Variants in AIG1 observed in about 807,000 individuals in gnomAD.
AIG1 encodes androgen-induced gene 1 protein.
A neutral mutation model predicts 31.4 loss-of-function variants in AIG1; 23 were observed. The ratio of observed to expected loss-of-function variants is 0.73; its 90% CI spans 0.53 to 1.04. The LOEUF (loss-of-function observed/expected upper bound fraction) is 1.04. Ranked by LOEUF, AIG1 falls within the 50% of genes least tolerant of loss-of-function variation. The probability of loss-of-function intolerance (pLI) is 0.00; values close to 1 mark genes in which losing one functional copy is unlikely to be tolerated. For missense variants in AIG1, 274 were observed against 295.0 expected, an observed-to-expected ratio of 0.93 and a Z score of 0.52; for synonymous variants, 100 against 110.5, an observed-to-expected ratio of 0.90 and a Z score of 0.60.
At chr6:143,191,724 A>G (rs545311512) in intron 3 of AIG1, among the ~76,000 whole-genome samples, 8 of 152,270 alleles carry the variant, frequency 5.3e-5, no homozygotes, top group African/African-American at 1.9e-4. Flanking sequence ...AAGAAAGGGA[A>G]AGGGAGAGGA....
At chr6:143,219,707 G>T (rs1403098008) in intron 3 of AIG1, among the ~76,000 whole-genome samples, 1 of 152,116 alleles carries the variant, frequency 6.6e-6, no homozygotes, top group East Asian at 1.9e-4. Context: ...TATCATGATT[G>T]TTGATACATG....
downstream of AIG1, among the ~76,000 whole-genome samples, chr6:143,341,538 T>C (rs934671232): frequency 2.0e-5 from 3 of 151,938 alleles, no homozygotes; most frequent in Non-Finnish European, 2.9e-5. Flanking sequence ...AAAGGGGGAA[T>C]TAGGACACAC....
chr6:143,313,303 T>C (rs567832209), intron 4 of AIG1, among the ~76,000 whole-genome samples: 3 of 152,208 alleles, frequency 2.0e-5, no homozygotes, highest in African/African-American at 7.2e-5. Flanking sequence ...AAACAACCTA[T>C]GTGTCCAAAA....
chr6:143,122,493 T>C lies in AIG1; in HGVS notation c.142-14342T>C, dbSNP rs560764648. 8.5e-5 allele frequency among the ~76,000 whole-genome samples: 13 copies of C among 152,368 alleles called. 1 individual carries two copies. In the East Asian group the frequency reaches 2.5e-3, roughly 29 times the overall value. ...TGTTTATATTTCTGTTGATGCAAGA[T>C]ACTCCATTACTATTCACTGTTTTAT... On this transcript the variant is annotated intron_variant, in intron 1 of 5. Coordinates refer to ENST00000357847, the MANE Select transcript of AIG1 (RefSeq NM_016108.4).
chr6:143,154,801 G>A (rs1209085098), intron 2 of AIG1, among the ~76,000 whole-genome samples: 1 of 152,110 alleles, frequency 6.6e-6, no homozygotes, highest in Non-Finnish European at 1.5e-5. Flanking sequence ...CAATTTATGA[G>A]TCTTAGATTA....
chr6:143,251,298 T>G (rs1330129102), intron 3 of AIG1, among the ~76,000 whole-genome samples: 1 of 152,150 alleles, frequency 6.6e-6, no homozygotes, highest in Admixed American at 6.5e-5. Context: ...GTGGTCCGCC[T>G]GCCTCAGCCT....
At chr6:143,316,069 C>T (rs1775718128) in intron 4 of AIG1, among the ~76,000 whole-genome samples, 3 of 152,002 alleles carry the variant, frequency 2.0e-5, no homozygotes, top group African/African-American at 7.2e-5. Flanking sequence ...TTGACATCAG[C>T]AGCATGGCAG....
intron 3 of AIG1, among the ~76,000 whole-genome samples, chr6:143,260,117 G>A (rs1795651124): frequency 6.8e-6 from 1 of 147,350 alleles, no homozygotes; most frequent in Admixed American, 7.0e-5. Flanking sequence ...TCCGCCTCCT[G>A]GATTCACAGC....
At chr6:143,102,588 T>C (rs1306992088) in intron 1 of AIG1, among the ~76,000 whole-genome samples, 2 of 148,192 alleles carry the variant, frequency 1.3e-5, no homozygotes, top group African/African-American at 4.9e-5. Flanking sequence ...ATATAATATA[T>C]ATAGGGTCAT....
In AIG1 at chr6:143,265,873, C is replaced by A. The variant is rs149081926; in HGVS notation, c.400-18237C>A. 8.5e-5 allele frequency among the ~76,000 whole-genome samples: 13 copies of A among 152,310 alleles called. No homozygotes were observed. In the East Asian group the frequency reaches 2.5e-3, roughly 29 times the overall value. ...GCATTAAGCACCTACTAACTGAAAA[C>A]GCTGTGTGCACATTCCTTCCCAGCT... is the stretch of plus-strand genomic sequence containing the variant. On this transcript the variant is annotated intron_variant, in intron 3 of 5. Coordinates refer to ENST00000357847, the MANE Select transcript of AIG1 (RefSeq NM_016108.4).
At chr6:143,207,164 T>A (rs138225000) in intron 3 of AIG1, among the ~76,000 whole-genome samples, 7 of 152,258 alleles carry the variant, frequency 4.6e-5, no homozygotes, top group African/African-American at 1.4e-4. Context: ...TTTCCCCTCC[T>A]TTGCCCCAGT....
At chr6:143,282,999 T>G (rs921254408) in intron 3 of AIG1, among the ~76,000 whole-genome samples, 1 of 152,222 alleles carries the variant, frequency 6.6e-6, no homozygotes, top group Non-Finnish European at 1.5e-5. Context: ...CTAAATAGAA[T>G]TTAAACCTGC....
chr6:143,221,107 T>G (rs9376730), intron 3 of AIG1, among the ~76,000 whole-genome samples: 14,770 of 152,238 alleles, frequency 0.097, 771 homozygotes, highest in South Asian at 0.18. Flanking sequence ...TTAATGAGTA[T>G]TATTATTGTA....
intron 1 of AIG1, among the ~76,000 whole-genome samples, chr6:143,075,697 T>C (rs1777672805): frequency 6.6e-6 from 1 of 152,190 alleles, no homozygotes; most frequent in Non-Finnish European, 1.5e-5. Context: ...TGGGGAAGCT[T>C]ACATGATTAA....
At chr6:143,272,074 G>A (rs1796563437) in intron 3 of AIG1, among the ~76,000 whole-genome samples, 1 of 152,096 alleles carries the variant, frequency 6.6e-6, no homozygotes, top group South Asian at 2.1e-4. Context: ...ATAGCATTAT[G>A]TGGTATATTA....
intron 3 of AIG1, among the ~76,000 whole-genome samples, chr6:143,244,538 C>T (rs972148445): frequency 2.0e-5 from 3 of 152,184 alleles, no homozygotes. Context: ...AAATGGATCA[C>T]ATGGGTATGG....
intron 4 of AIG1, among the ~76,000 whole-genome samples, chr6:143,302,455 A>G (rs1200236158): frequency 2.0e-5 from 3 of 150,386 alleles, no homozygotes; most frequent in Non-Finnish European, 2.9e-5. Flanking sequence ...ATTCCCACCT[A>G]TGAGTGAGAA....
rs1798686231 is a variant in AIG1 at position 143,299,590 on chromosome 6, A to G, written c.515+15365A>G. The G allele has an allele frequency of 6.6e-6, 1 of 152,234 alleles. No individual in the cohort carries two copies. Among genetic ancestry groups the G allele is most frequent in the Non-Finnish European group, 1.5e-5 (1 of 68,052 alleles). 9.4% of individuals were successfully genotyped at this position (152,234 alleles called of 1,614,324 possible). A position where few individuals can be genotyped will look rare whatever the true frequency, so the allele number is the denominator to read the frequency against. On this transcript the variant is annotated intron_variant, in intron 4 of 5. Coordinates refer to ENST00000357847, the MANE Select transcript of AIG1 (RefSeq NM_016108.4). The surrounding 1 kb of genome is among the most constrained non-coding windows in gnomAD (Gnocchi z 4.1). ...GAAGTTATGAAATACCCATATGCTT[A>G]AAGAGAGAAATGAGTAGCAGAGGGA...
chr6:143,320,150 A>C (rs932666257), intron 4 of AIG1, among the ~76,000 whole-genome samples: 1 of 152,208 alleles, frequency 6.6e-6, no homozygotes. Context: ...GGGAAATGCA[A>C]ATTAAAGCTA....
Sources: gnomAD v4.1 joint callset for allele counts (sites outside exome capture counted in the v4.1 genomes callset) on GRCh38, gnomAD v4.1.1 for gene constraint, Gnocchi (gnomAD v3.1) non-coding constraint, MANE v1.5 for transcripts, NCBI Gene and HGNC (gene_info 2026-07-23, HGNC 2026-07-21) for gene names.